CIP2A: variants seen among roughly 807,000 people sequenced by gnomAD.
CIP2A encodes protein CIP2A.
In CIP2A, 103 loss-of-function variants were observed where a neutral mutation model predicts 110.9. The ratio of observed to expected loss-of-function variants is 0.93; its 90% CI spans 0.79 to 1.09. CIP2A has a LOEUF of 1.09. Ranked by LOEUF, CIP2A falls within the 50% of genes least tolerant of loss-of-function variation. CIP2A has a pLI of 0.00. For synonymous variants in CIP2A, 381 were observed against 361.6 expected (o/e 1.05, Z -0.61); for missense variants, 1,088 against 1,038.4 (o/e 1.05, Z -0.66).
intron 14 of CIP2A, 111 bp downstream of exon 14, chr3:108,560,538 T>C (rs1195959216): frequency 1.5e-6 from 1 of 648,396 alleles, no homozygotes. Flanking sequence ...ATTTCTTATA[T>C]TAAGGTTTCA....
chr3:108,552,331 G>T lies in CIP2A; in HGVS notation c.2450C>A (p.Thr817Asn). ...KTKVQEEKIK[T>N]LQKEREDKEE... is the part of the protein sequence containing the mutation. The stretch of plus-strand genomic sequence containing the variant: ...CTTATCTTCCCTTTCCTTTTGTAAG[G>T]TTTTAATCTTTTCTTCTTGTACTTT... The change falls in exon 20 of 21, where the codon ACC becomes AAC. Residue 817 changes from threonine to asparagine, a missense_variant. Coordinates refer to ENST00000295746, the MANE Select transcript of CIP2A (RefSeq NM_020890.3). The T allele has an allele frequency of 6.5e-7, 1 of 1,542,146 alleles. No homozygotes were observed. The highest frequency in any genetic ancestry group is 1.2e-5 in the South Asian group (1 of 82,570).
intron 8 of CIP2A, among the ~76,000 whole-genome samples, chr3:108,575,307 CACACACGTGCATGT>C (rs1453557451): frequency 6.8e-6 from 1 of 146,288 alleles, no homozygotes; most frequent in South Asian, 2.1e-4. Context: ...CGTGTACGTA[CACACACGTGCATGT>C]ACACACACGT....
chr3:108,569,610 G>A lies in CIP2A; in HGVS notation c.895-3C>T. ...AAGGCAAGAAGTAATTCTAAAACCT[G>A]TGCAATATAAAGTGTTCATTAAACA... is the stretch of plus-strand genomic sequence containing the variant. On this transcript the variant is annotated splice_region_variant and splice_polypyrimidine_tract_variant and intron_variant, in intron 8 of 20. Coordinates refer to ENST00000295746, the MANE Select transcript of CIP2A (RefSeq NM_020890.3). The A allele has an allele frequency of 6.2e-7, 1 of 1,607,390 alleles. No individual in the cohort carries two copies. Among genetic ancestry groups the A allele is most frequent in the East Asian group, 2.2e-5 (1 of 44,682 alleles).
chr3:108,554,019 C>T (rs1937700003), intron 18 of CIP2A, among the ~76,000 whole-genome samples: 2 of 151,046 alleles, frequency 1.3e-5, no homozygotes, highest in South Asian at 4.2e-4. Context: ...CCTCAGCCTT[C>T]TGGGTAGCGG....
At chr3:108,573,956 C>A (rs1038817813) in intron 8 of CIP2A, among the ~76,000 whole-genome samples, 1 of 151,868 alleles carries the variant, frequency 6.6e-6, no homozygotes, top group Non-Finnish European at 1.5e-5. Flanking sequence ...TTAAAAAAAA[C>A]TAGGAAGCTT....
chr3:108,582,118 TC>T lies in CIP2A; in HGVS notation c.441del (p.Ile148Ter). On this transcript the variant is annotated frameshift_variant, in exon 4 of 21. Transcript: ENST00000295746. LOFTEE classifies it high-confidence loss of function. Reference protein sequence around the residue: ...GANIDELITFLIDHIQSSEDE... With the variant: ...GANIDELITFXIDHIQSSEDE... ...TGATTGCATACTCACATGTGATCTATCAGGAACGTAATTAATTCATCTATAT... is the reference window on the plus strand; with the variant it reads ...TGATTGCATACTCACATGTGATCTATAGGAACGTAATTAATTCATCTATAT... 7.0e-7 allele frequency: 1 copy of T among 1,436,262 alleles called. No individual in the cohort carries two copies. The highest frequency in any genetic ancestry group is 1.3e-5 in the South Asian group (1 of 78,358). 89.0% of individuals were successfully genotyped at this position (1,436,262 alleles called of 1,614,324 possible).
At chr3:108,562,004 T>TA (rs1293412353) in intron 13 of CIP2A, among the ~76,000 whole-genome samples, 2 of 152,114 alleles carry the variant, frequency 1.3e-5, no homozygotes, top group Non-Finnish European at 2.9e-5. Flanking sequence ...CATCACAAAA[T>TA]AGAGCAGCTT....
At chr3:108,585,386 TC>T (rs1364343214) in intron 1 of CIP2A, among the ~76,000 whole-genome samples, 174 bp from the exon 2 acceptor site, 1 of 152,094 alleles carries the variant, frequency 6.6e-6, no homozygotes, top group Non-Finnish European at 1.5e-5. Context: ...AATTACCTAA[TC>T]CCTCCCTCCC....
chr3:108,586,951 C>T (rs1159111786), intron 1 of CIP2A, among the ~76,000 whole-genome samples: 2 of 152,146 alleles, frequency 1.3e-5, no homozygotes, highest in African/African-American at 2.4e-5. Context: ...ACTCAGATCT[C>T]GCTCTCATGA....
Position 108,553,680 on chromosome 3 carries a change from T to C in CIP2A, c.2375A>G (p.Asn792Ser), listed in dbSNP as rs1371143381. ...EKEEQRKEVQNQLVDREHKLA... is the reference protein window; with the variant it reads ...EKEEQRKEVQSQLVDREHKLA... Reference sequence around the variant, plus strand: ...CTTATGTTCTCTGTCTACTAGCTGATTCTGTACTTCTTTTCTCTGTTCTTC... The same window carrying C: ...CTTATGTTCTCTGTCTACTAGCTGACTCTGTACTTCTTTTCTCTGTTCTTC... The change falls in exon 19 of 21, where the codon AAT becomes AGT. Residue 792 changes from asparagine (N) to serine (S), a missense_variant. Transcript: ENST00000295746. 3 of 1,514,840 alleles carry C rather than the reference T, an allele frequency of 2.0e-6. No homozygotes were observed. In the South Asian group the frequency reaches 3.4e-5, roughly 17 times the overall value. The allele number at this position is 1,514,840 out of a possible 1,614,324, so 93.8% of individuals were successfully genotyped here. A position where few individuals can be genotyped will look rare whatever the true frequency, so the allele number is the denominator to read the frequency against.
In CIP2A at chr3:108,589,324, T is replaced by C. The variant is rs771633369; in HGVS notation, c.52A>G (p.Lys18Glu). ...KSLLLTVSQY[K>E]AVKSEANATQ... is the part of the protein sequence containing the mutation. ...GCGTTCGCCTCTGACTTCACGGCTT[T>C]GTACTGACTGACAGTCAGGAGCAAG... The change falls in exon 1 of 21, where the codon AAA (lysine) becomes GAA (glutamate). Residue 18 changes from lysine to glutamate, a missense_variant. By Grantham distance (56) the Lys-to-Glu change is moderately conservative. Transcript: ENST00000295746. The C allele has an allele frequency of 6.2e-7, 1 of 1,614,142 alleles. No individual in the cohort carries two copies. Among genetic ancestry groups the C allele is most frequent in the Non-Finnish European group, 8.5e-7 (1 of 1,179,994 alleles).
intron 2 of CIP2A, among the ~76,000 whole-genome samples, chr3:108,583,644 T>G (rs181029943): frequency 2.0e-5 from 3 of 152,054 alleles, no homozygotes; most frequent in Admixed American, 2.0e-4. Context: ...GTGGGGGAGA[T>G]GAAGACAGAT....
intron 16 of CIP2A, among the ~76,000 whole-genome samples, chr3:108,558,590 G>A (rs77743800): frequency 0.032 from 4,919 of 152,174 alleles, 250 homozygotes; most frequent in African/African-American, 0.11. Context: ...GAATTTCCAC[G>A]TGGTTTGAAA....
chr3:108,563,963 A>G (rs1014991640), intron 12 of CIP2A, among the ~76,000 whole-genome samples: 11 of 151,994 alleles, frequency 7.2e-5, no homozygotes, highest in African/African-American at 2.7e-4. Context: ...CAGATTTTCA[A>G]ATTAGGGATG....
At chr3:108,564,797 C>T (rs568531698) in intron 12 of CIP2A, among the ~76,000 whole-genome samples, 1 of 151,844 alleles carries the variant, frequency 6.6e-6, no homozygotes, top group South Asian at 2.1e-4. Flanking sequence ...AATGAGGCTG[C>T]CAAATTCTAG....
At chr3:108,577,949 G>T (rs982400413) in intron 7 of CIP2A, among the ~76,000 whole-genome samples, 1 of 152,060 alleles carries the variant, frequency 6.6e-6, no homozygotes, top group Non-Finnish European at 1.5e-5. Context: ...AAATGAGAAA[G>T]CTGACAAGTA....
At chr3:108,567,964 GAAA>G (rs943281397) in intron 10 of CIP2A, among the ~76,000 whole-genome samples, 188 bp downstream of exon 10, 1 of 151,094 alleles carries the variant, frequency 6.6e-6, no homozygotes, top group African/African-American at 2.4e-5. Context: ...GAAAAATAAG[GAAA>G]AAAAATCATG....
chr3:108,585,868 T>C (rs1465669900), intron 1 of CIP2A: 1 of 437,538 alleles, frequency 2.3e-6, no homozygotes, highest in Non-Finnish European at 4.6e-6. Context: ...TTTCTTGTAA[T>C]CTATAAGCCA....
At chr3:108,566,746 T>A in intron 10 of CIP2A, 108 bp from the exon 11 acceptor site, 1 of 640,250 alleles carries the variant, frequency 1.6e-6, no homozygotes. Context: ...TCCAGTATAA[T>A]TATTGTTAAA....
Sources: gnomAD v4.1 joint callset for allele counts (sites outside exome capture counted in the v4.1 genomes callset) on GRCh38, gnomAD v4.1.1 for gene constraint, MANE v1.5 for transcripts, NCBI Gene and HGNC (gene_info 2026-07-23, HGNC 2026-07-21) for gene names.